The following CSMD1 variants were observed in gnomAD, a reference collection of about 807,000 sequenced individuals.
CSMD1 encodes CUB and sushi domain-containing protein 1.
CSMD1 carries 213 observed loss-of-function variants against 417.5 expected under a neutral mutation model. That is an observed-to-expected ratio of 0.51 (90% confidence interval 0.46 to 0.57). The LOEUF is 0.57. Ranked by LOEUF, CSMD1 falls within the 20% of genes least tolerant of loss-of-function variation. CSMD1 has a pLI of 0.00. For synonymous variants in CSMD1, 2,862 were observed against 1,736.8 expected, an observed-to-expected ratio of 1.65 and a Z score of -16.11; for missense variants, 6,923 against 4,529.7, an observed-to-expected ratio of 1.53 and a Z score of -15.17.
chr8:3,081,998 T>C (rs1194390214), intron 49 of CSMD1, among the ~76,000 whole-genome samples: 1 of 152,162 alleles, frequency 6.6e-6, no homozygotes, highest in African/African-American at 2.4e-5. Context: ...TGGCACCAAA[T>C]ACTCCCAGCA....
intron 1 of CSMD1, among the ~76,000 whole-genome samples, chr8:4,943,066 A>G (rs1430638691): frequency 6.6e-6 from 1 of 152,168 alleles, no homozygotes; most frequent in Non-Finnish European, 1.5e-5. Context: ...CATGAAAGTA[A>G]TTGTTCATAA....
intron 3 of CSMD1, among the ~76,000 whole-genome samples, chr8:4,318,461 T>C (rs961975066): frequency 1.6e-4 from 25 of 152,078 alleles, no homozygotes; most frequent in African/African-American, 6.0e-4. Context: ...TAAAAGGTCA[T>C]TAGCAAGTAA....
chr8:3,739,883 T>G (rs978108913), intron 6 of CSMD1, among the ~76,000 whole-genome samples: 1 of 152,160 alleles, frequency 6.6e-6, no homozygotes, highest in Non-Finnish European at 1.5e-5. Context: ...GAATCTCCAG[T>G]AAATAATGCT....
chr8:4,976,743 A>C (rs1223323466), intron 1 of CSMD1, among the ~76,000 whole-genome samples: 2 of 152,210 alleles, frequency 1.3e-5, no homozygotes, highest in Non-Finnish European at 2.9e-5. Flanking sequence ...CTTGCTGGAA[A>C]TGAGCTTCAC....
chr8:3,449,413 G>A (rs1414157132), intron 12 of CSMD1, among the ~76,000 whole-genome samples: 2 of 151,954 alleles, frequency 1.3e-5, no homozygotes, highest in Non-Finnish European at 2.9e-5. Context: ...GGAAACCCCA[G>A]GCTCCCACCA....
At chr8:3,601,488 C>G (rs1801358893) in intron 8 of CSMD1, among the ~76,000 whole-genome samples, 1 of 152,170 alleles carries the variant, frequency 6.6e-6, no homozygotes, top group Non-Finnish European at 1.5e-5. Context: ...ATGACATACA[C>G]CAGGCAGGCC....
At chr8:3,827,195 C>T (rs1802104037) in intron 5 of CSMD1, among the ~76,000 whole-genome samples, 1 of 152,166 alleles carries the variant, frequency 6.6e-6, no homozygotes, top group African/African-American at 2.4e-5. Flanking sequence ...TACATATTCT[C>T]CCAAAGAGTA....
At chr8:4,822,392 C>G (rs527653896) in intron 1 of CSMD1, among the ~76,000 whole-genome samples, 1 of 152,018 alleles carries the variant, frequency 6.6e-6, no homozygotes, top group East Asian at 1.9e-4. Flanking sequence ...CTCAACTGGC[C>G]TAGTTTGATG....
At chr8:3,964,697 T>C (rs111485397) in intron 5 of CSMD1, among the ~76,000 whole-genome samples, 37 of 152,332 alleles carry the variant, frequency 2.4e-4, no homozygotes, top group African/African-American at 8.9e-4. Flanking sequence ...CCATAGTTAT[T>C]AAATAAACGC....
At chr8:4,218,203 GCAC>G (rs2128806574) in intron 3 of CSMD1, among the ~76,000 whole-genome samples, 1 of 152,228 alleles carries the variant, frequency 6.6e-6, no homozygotes, top group East Asian at 1.9e-4. Flanking sequence ...ACTCTTGTTG[GCAC>G]TTTGCTCATT....
At chr8:3,500,739 G>T (rs1053421793) in intron 10 of CSMD1, among the ~76,000 whole-genome samples, 4 of 152,162 alleles carry the variant, frequency 2.6e-5, no homozygotes, top group Non-Finnish European at 4.4e-5. Flanking sequence ...GGGCTTGACT[G>T]GATGGAGGAC....
intron 27 of CSMD1, among the ~76,000 whole-genome samples, chr8:3,228,430 G>A (rs1193716707): frequency 6.6e-6 from 1 of 152,110 alleles, no homozygotes; most frequent in East Asian, 1.9e-4. Context: ...CCATTTTTCT[G>A]TTACATAACA....
chr8:3,353,532 G>C (rs1033727891), intron 21 of CSMD1, among the ~76,000 whole-genome samples: 1 of 152,176 alleles, frequency 6.6e-6, no homozygotes, highest in Non-Finnish European at 1.5e-5. Context: ...AAGAAACTGC[G>C]AGAGCGCTCC....
At chr8:3,216,712 G>A (rs1047711925) in intron 29 of CSMD1, among the ~76,000 whole-genome samples, 1 of 152,194 alleles carries the variant, frequency 6.6e-6, no homozygotes, top group Non-Finnish European at 1.5e-5. Context: ...TCATAACAGG[G>A]TGTATTTTGT....
intron 1 of CSMD1, among the ~76,000 whole-genome samples, chr8:4,710,622 G>C: frequency 6.6e-6 from 1 of 151,370 alleles, no homozygotes; most frequent in East Asian, 2.0e-4. Context: ...CAGATGGGTG[G>C]ATCACAAGCT....
At chr8:3,317,579 CTT>C (rs1805858238) in intron 23 of CSMD1, among the ~76,000 whole-genome samples, 1 of 152,110 alleles carries the variant, frequency 6.6e-6, no homozygotes, top group African/African-American at 2.4e-5. Flanking sequence ...CCCAGAATGA[CTT>C]AATTTTGTTT....
intron 3 of CSMD1, among the ~76,000 whole-genome samples, chr8:4,412,528 G>C (rs1796706445): frequency 6.6e-6 from 1 of 152,034 alleles, no homozygotes; most frequent in Non-Finnish European, 1.5e-5. Flanking sequence ...TATTTTATCG[G>C]AAAATTACCC....
chr8:3,037,637 G>A (rs910720566), intron 50 of CSMD1, among the ~76,000 whole-genome samples: 29 of 152,074 alleles, frequency 1.9e-4, no homozygotes, highest in Non-Finnish European at 3.5e-4. Flanking sequence ...TGGAGCGGAC[G>A]GTAAGAGGAT....
intron 1 of CSMD1, among the ~76,000 whole-genome samples, chr8:4,698,139 T>G (rs1449390744): frequency 6.6e-5 from 10 of 151,722 alleles, no homozygotes; most frequent in East Asian, 1.9e-4. Context: ...TACTGGGTTT[T>G]TTTTTTTTTT....
Sources: gnomAD v4.1 joint callset for allele counts (sites outside exome capture counted in the v4.1 genomes callset) on GRCh38, gnomAD v4.1.1 for gene constraint, MANE v1.5 for transcripts, NCBI Gene and HGNC (gene_info 2026-07-23, HGNC 2026-07-21) for gene names.